HLCS: variants seen among roughly 807,000 people sequenced by gnomAD.
The protein encoded by HLCS is biotin--protein ligase.
In HLCS, 53 loss-of-function variants were observed where a neutral mutation model predicts 75.0. That is an observed-to-expected ratio of 0.71 (90% CI 0.57 to 0.89). The LOEUF is 0.89. Among genes scored for constraint, HLCS ranks in the 40% least tolerant of loss-of-function variants. HLCS has a pLI of 0.00. For synonymous variants in HLCS, 431 were observed against 428.6 expected (o/e 1.01, Z -0.07); for missense variants, 966 against 1,074.0 (o/e 0.90, Z 1.41).
intron 6 of HLCS, among the ~76,000 whole-genome samples, chr21:36,843,244 G>C (rs574178643): frequency 1.3e-5 from 2 of 152,320 alleles, no homozygotes; most frequent in East Asian, 3.9e-4. Flanking sequence ...TTCAAGACCA[G>C]CCTGGGAAAC....
intron 6 of HLCS, among the ~76,000 whole-genome samples, chr21:36,865,928 T>G (rs1005590163): frequency 1.6e-4 from 24 of 152,208 alleles, no homozygotes; most frequent in Non-Finnish European, 3.4e-4. Context: ...TCAAGTAAAA[T>G]ATGCCTTTAA....
intron 6 of HLCS, among the ~76,000 whole-genome samples, chr21:36,778,114 G>A (rs1386687156): frequency 4.0e-5 from 6 of 151,756 alleles, no homozygotes; most frequent in South Asian, 2.1e-4. Context: ...GACTACAGGC[G>A]CCCGCCACCA....
intron 6 of HLCS, among the ~76,000 whole-genome samples, chr21:36,816,402 A>C (rs1439873311): frequency 1.3e-5 from 2 of 151,960 alleles, no homozygotes; most frequent in Non-Finnish European, 2.9e-5. Flanking sequence ...TCTCAAAAAA[A>C]AAAAAAATGT....
chr21:36,819,057 A>G (rs2061748395), intron 6 of HLCS, among the ~76,000 whole-genome samples: 1 of 152,202 alleles, frequency 6.6e-6, no homozygotes, highest in Non-Finnish European at 1.5e-5. Flanking sequence ...GAGCCCCTAC[A>G]GAACTGGCAG....
At chr21:36,830,821 C>CAAA (rs34494258) in intron 6 of HLCS, among the ~76,000 whole-genome samples, 8 of 62,002 alleles carry the variant, frequency 1.3e-4, no homozygotes, top group Admixed American at 2.1e-4. Context: ...GACCCTCTCT[C>CAAA]AAAAAAAAAA....
intron 5 of HLCS, among the ~76,000 whole-genome samples, chr21:36,914,175 G>T (rs1484004053): frequency 6.6e-6 from 1 of 152,240 alleles, no homozygotes; most frequent in East Asian, 1.9e-4. Context: ...GCCGACAGGT[G>T]AACGGTCCAG....
At chr21:36,951,719 C>T (rs1454023611) in intron 2 of HLCS, among the ~76,000 whole-genome samples, 1 of 152,184 alleles carries the variant, frequency 6.6e-6, no homozygotes, top group African/African-American at 2.4e-5. Flanking sequence ...GTACAAGGAA[C>T]ATAAGCAAAT....
At chr21:36,802,223 C>A (rs1421376817) in intron 6 of HLCS, among the ~76,000 whole-genome samples, 2 of 152,152 alleles carry the variant, frequency 1.3e-5, no homozygotes, top group African/African-American at 4.8e-5. Context: ...CGCCATTTTC[C>A]CACAAGGCCT....
At chr21:36,834,655 A>G (rs1440719517) in intron 6 of HLCS, among the ~76,000 whole-genome samples, 1 of 152,220 alleles carries the variant, frequency 6.6e-6, no homozygotes, top group Non-Finnish European at 1.5e-5. Flanking sequence ...TCCTGGGTTC[A>G]AGCGAGTCTC....
intron 6 of HLCS, among the ~76,000 whole-genome samples, chr21:36,858,020 C>A (rs943723062): frequency 2.0e-5 from 3 of 152,036 alleles, no homozygotes; most frequent in East Asian, 3.9e-4. Flanking sequence ...GAACTCCTGA[C>A]CTAATGATCC....
intron 6 of HLCS, among the ~76,000 whole-genome samples, chr21:36,891,181 C>G (rs1029535451): frequency 1.3e-5 from 2 of 152,212 alleles, no homozygotes; most frequent in African/African-American, 4.8e-5. Flanking sequence ...TTTACCCCTT[C>G]CTCCCACTTA....
At chr21:36,759,049 C>T in intron 9 of HLCS, 1 of 468,010 alleles carries the variant, frequency 2.1e-6, no homozygotes, top group Non-Finnish European at 4.4e-6. Context: ...AATAATATTG[C>T]CCCTTGGTGG....
chr21:36,847,192 C>T (rs571199873), intron 6 of HLCS, among the ~76,000 whole-genome samples: 13 of 152,264 alleles, frequency 8.5e-5, no homozygotes, highest in South Asian at 4.1e-4. Context: ...ATGGGCAAGA[C>T]GACCTGGCGT....
chr21:36,968,811 T>A (rs1370526063), upstream of HLCS: 2 of 152,350 alleles, frequency 1.3e-5, no homozygotes, highest in Admixed American at 6.5e-5. Flanking sequence ...CTGCTAGGTA[T>A]GGAGAGGTCA....
chr21:36,957,500 G>A (rs2068026883), intron 2 of HLCS, among the ~76,000 whole-genome samples: 1 of 152,062 alleles, frequency 6.6e-6, no homozygotes, highest in Non-Finnish European at 1.5e-5. Flanking sequence ...AGGCCTCTTT[G>A]TAGTTCAAAA....
At chr21:36,959,249 C>T (rs569507763) in intron 2 of HLCS, among the ~76,000 whole-genome samples, 5 of 152,338 alleles carry the variant, frequency 3.3e-5, no homozygotes, top group Admixed American at 6.5e-5. Flanking sequence ...TGAGCCTGGG[C>T]GGTGTCGCAA....
intron 1 of HLCS, among the ~76,000 whole-genome samples, chr21:36,963,626 C>T (rs2146675325): frequency 6.6e-6 from 1 of 152,200 alleles, no homozygotes; most frequent in Non-Finnish European, 1.5e-5. Flanking sequence ...GTGGTGCATG[C>T]CTGTAATCCC....
chr21:36,822,170 C>T (rs1261640301), intron 6 of HLCS, among the ~76,000 whole-genome samples: 1 of 152,148 alleles, frequency 6.6e-6, no homozygotes, highest in East Asian at 1.9e-4. Context: ...ACCTGTAATC[C>T]CAGTACTTTG....
At chr21:36,972,733 T>C (rs540412513) in intron 1 of HLCS, among the ~76,000 whole-genome samples, 1 of 152,348 alleles carries the variant, frequency 6.6e-6, no homozygotes, top group Non-Finnish European at 1.5e-5. Flanking sequence ...TATGTGGCTG[T>C]TTTAAGTACA....
Sources: gnomAD v4.1 joint callset for allele counts (sites outside exome capture counted in the v4.1 genomes callset) on GRCh38, gnomAD v4.1.1 for gene constraint, MANE v1.5 for transcripts, NCBI Gene and HGNC (gene_info 2026-07-23, HGNC 2026-07-21) for gene names.